The following HECW2 variants were observed in gnomAD, a reference collection of about 807,000 sequenced individuals.
HECW2 encodes the protein HECT, C2 and WW domain containing E3 ubiquitin protein ligase 2, also known as E3 ubiquitin-protein ligase HECW2.
Under a neutral mutation model 175.2 loss-of-function variants are expected in HECW2, and 61 were observed. The observed-to-expected ratio is 0.35, with a 90% CI of 0.28 to 0.43. HECW2 has a LOEUF of 0.43. Among genes scored for constraint, HECW2 ranks in the 20% least tolerant of loss-of-function variants. The probability of loss-of-function intolerance (pLI) is 1.00; values close to 1 mark genes in which losing one functional copy is unlikely to be tolerated. For missense variants in HECW2, 1,524 were observed against 2,000.5 expected (o/e 0.76, Z 4.54); for synonymous variants, 671 against 731.0 (o/e 0.92, Z 1.32).
At chr2:196,221,161 T>C (rs1278266613) in intron 24 of HECW2, among the ~76,000 whole-genome samples, 2 of 151,932 alleles carry the variant, frequency 1.3e-5, no homozygotes, top group Non-Finnish European at 2.9e-5. Context: ...TTAAAGTATA[T>C]ATATGTATTG....
At chr2:196,437,055 A>C (rs150669024) in intron 1 of HECW2, among the ~76,000 whole-genome samples, 15 of 152,304 alleles carry the variant, frequency 9.8e-5, no homozygotes, top group African/African-American at 3.6e-4. Context: ...TAACATCATT[A>C]TCTCTCTTTT....
chr2:196,418,806 T>A (rs2125242059), intron 2 of HECW2, among the ~76,000 whole-genome samples: 1 of 152,300 alleles, frequency 6.6e-6, no homozygotes, highest in East Asian at 1.9e-4. Flanking sequence ...CCTGCAATGA[T>A]GACTTATTAA....
chr2:196,211,282 C>T (rs540510972), intron 28 of HECW2, among the ~76,000 whole-genome samples: 4 of 152,292 alleles, frequency 2.6e-5, no homozygotes, highest in African/African-American at 7.2e-5. Context: ...ATCTTAGCAG[C>T]GCATTTTTTG....
At chr2:196,387,745 C>T (rs1414836452) in intron 2 of HECW2, among the ~76,000 whole-genome samples, 2 of 152,042 alleles carry the variant, frequency 1.3e-5, no homozygotes, top group African/African-American at 4.8e-5. Context: ...GGCTCTATTT[C>T]AGCATGAAGT....
In HECW2 at chr2:196,292,793, A is replaced by T. The variant is rs927529695; in HGVS notation, c.2815-43T>A. 2.7e-6 allele frequency: 4 copies of T among 1,489,344 alleles called. No homozygotes were observed. The Middle Eastern group carries it at 5.2e-4, about 193-fold the overall frequency. The allele number at this position is 1,489,344 out of a possible 1,614,324, so 92.3% of individuals were successfully genotyped here. A position where few individuals can be genotyped will look rare whatever the true frequency, so the allele number is the denominator to read the frequency against. ...GAACCAATGTTAACCCACTTGTGAC[A>T]TGCAGAAGCACCAGAAATACTACAC... On this transcript the variant is annotated intron_variant, in intron 13 of 28. Coordinates refer to ENST00000644978, the MANE Select transcript of HECW2 (RefSeq NM_001348768.2).
chr2:196,318,636 T>C lies in HECW2; in HGVS notation c.2254A>G (p.Ser752Gly). ...SLEGAAAAAE[S>G]PPQEEGSAGE... The stretch of plus-strand genomic sequence containing the variant: ...GCACTGCCTTCTTCTTGCGGTGGGC[T>C]CTCGGCAGCAGCTGCAGCTCCCTCC... Residue 752 changes from serine to glycine, a missense_variant, in exon 9 of 29, where the codon AGC becomes GGC. By Grantham distance (56) the Ser-to-Gly change is moderately conservative (BLOSUM62 0). Coordinates refer to ENST00000644978, the MANE Select transcript of HECW2 (RefSeq NM_001348768.2). 4.4e-6 allele frequency: 7 copies of C among 1,597,372 alleles called. No homozygotes were observed. Among genetic ancestry groups the C allele is most frequent in the Non-Finnish European group, 6.0e-6 (7 of 1,171,618 alleles).
At chr2:196,509,793 G>C (rs1687883995) in intron 1 of HECW2, among the ~76,000 whole-genome samples, 1 of 152,152 alleles carries the variant, frequency 6.6e-6, no homozygotes, top group Non-Finnish European at 1.5e-5. Context: ...TGACTTCCAG[G>C]GTGAGGCCAC....
At chr2:196,395,058 C>A (rs1694621703) in intron 2 of HECW2, among the ~76,000 whole-genome samples, 1 of 152,136 alleles carries the variant, frequency 6.6e-6, no homozygotes. Flanking sequence ...TAATCCCATT[C>A]ATGAGAGGTC....
At chr2:196,555,764 T>A (rs1251247329) in intron 1 of HECW2, among the ~76,000 whole-genome samples, 1 of 152,250 alleles carries the variant, frequency 6.6e-6, no homozygotes, top group Non-Finnish European at 1.5e-5. Flanking sequence ...CCTCCTTAAA[T>A]GGCATTAGTG....
At chr2:196,557,787 T>C (rs1482166877) in intron 1 of HECW2, among the ~76,000 whole-genome samples, 2 of 152,210 alleles carry the variant, frequency 1.3e-5, no homozygotes, top group African/African-American at 2.4e-5. Flanking sequence ...TATATGCATG[T>C]AGGGAAACAG....
intron 22 of HECW2, among the ~76,000 whole-genome samples, chr2:196,227,886 A>T (rs1687911451): frequency 6.6e-6 from 1 of 152,248 alleles, no homozygotes; most frequent in South Asian, 2.1e-4. Context: ...CTTATGGAGC[A>T]GATCAATTCC....
rs1249952596 is a variant in HECW2, at chr2:196,360,008, G to A, written c.293-16244C>T. On this transcript the variant is annotated intron_variant, in intron 2 of 28. Coordinates refer to ENST00000644978, the MANE Select transcript of HECW2 (RefSeq NM_001348768.2). ...AGTTCTAGCTACTCAGGATGCTGAG[G>A]CAGGAGGATTGCTTGAGCCCCAGGA... 2.0e-5 allele frequency among the ~76,000 whole-genome samples: 3 copies of A among 152,110 alleles called. No individual in the cohort carries two copies. In the East Asian group the frequency reaches 5.8e-4, roughly 29 times the overall value.
intron 1 of HECW2, among the ~76,000 whole-genome samples, chr2:196,481,305 CT>C (rs2125372121): frequency 6.6e-6 from 1 of 152,244 alleles, no homozygotes; most frequent in East Asian, 1.9e-4. Context: ...TAATTTCATC[CT>C]TTTTAGGAGC....
chr2:196,457,268 C>T (rs1444458084), intron 1 of HECW2, among the ~76,000 whole-genome samples: 5 of 152,184 alleles, frequency 3.3e-5, no homozygotes, highest in Admixed American at 3.3e-4. Flanking sequence ...CTAAAAGGGC[C>T]CTCAGAGAGA....
intron 2 of HECW2, among the ~76,000 whole-genome samples, chr2:196,404,496 C>T (rs1447271378): frequency 1.3e-5 from 2 of 152,206 alleles, no homozygotes; most frequent in Non-Finnish European, 2.9e-5. Context: ...TCTGTAACTT[C>T]AGAATTAGTG....
intron 13 of HECW2, among the ~76,000 whole-genome samples, chr2:196,299,221 AGAAAGAATACTTT>A (rs1169029391): frequency 5.3e-5 from 8 of 152,158 alleles, no homozygotes; most frequent in Non-Finnish European, 1.2e-4. Flanking sequence ...AAAATGCTTT[AGAAAGAATACTTT>A]GAAATCAAGA....
At chr2:196,271,311 A>T (rs972486824) in intron 16 of HECW2, 22 bp from the exon 17 acceptor site, 1 of 1,488,854 alleles carries the variant, frequency 6.7e-7, no homozygotes, top group Admixed American at 1.7e-5. Flanking sequence ...ATCAGAAAAG[A>T]CAACAATTTA....
intron 1 of HECW2, among the ~76,000 whole-genome samples, chr2:196,512,146 G>A (rs897078110): frequency 6.6e-6 from 1 of 152,208 alleles, no homozygotes; most frequent in Non-Finnish European, 1.5e-5. Flanking sequence ...CAGGCAGGAT[G>A]TAACTTTCAT....
intron 21 of HECW2, chr2:196,238,950 C>CTCTG (rs1688352669): frequency 6.6e-6 from 1 of 152,214 alleles, no homozygotes; most frequent in Admixed American, 6.5e-5. Flanking sequence ...TCTCAACAAA[C>CTCTG]TCTGGTCCAA....
Sources: allele counts gnomAD v4.1 joint callset (sites outside exome capture counted in the v4.1 genomes callset), GRCh38; gene constraint gnomAD v4.1.1; transcripts MANE v1.5; gene names NCBI Gene and HGNC (gene_info 2026-07-23, HGNC 2026-07-21).